Variants in DIP2B observed in about 807,000 individuals in gnomAD.
DIP2B encodes the protein disco-interacting protein 2 homolog B.
DIP2B carries 76 observed loss-of-function variants against 198.0 expected under a neutral mutation model. The ratio of observed to expected loss-of-function variants is 0.38; its 90% CI spans 0.32 to 0.46. DIP2B has a LOEUF of 0.46. Ranked by LOEUF, DIP2B falls within the 20% of genes least tolerant of loss-of-function variation. The pLI is 0.99. For synonymous variants in DIP2B, 701 were observed against 739.1 expected (o/e 0.95, Z 0.84); for missense variants, 1,559 against 1,978.4 (o/e 0.79, Z 4.02).
intron 3 of DIP2B, among the ~76,000 whole-genome samples, chr12:50,653,625 A>G (rs1341364398): frequency 6.6e-6 from 1 of 151,784 alleles, no homozygotes; most frequent in Non-Finnish European, 1.5e-5. Context: ...TACAGGCATG[A>G]GCCTCTGTAC....
intron 36 of DIP2B, among the ~76,000 whole-genome samples, 164 bp downstream of exon 36, chr12:50,739,750 C>T (rs889296444): frequency 3.3e-5 from 5 of 152,186 alleles, no homozygotes; most frequent in East Asian, 1.9e-4. Flanking sequence ...CATGCCTTGC[C>T]CCATGAAGAG....
intron 22 of DIP2B, among the ~76,000 whole-genome samples, chr12:50,710,294 A>G (rs1352793616): frequency 6.6e-6 from 1 of 152,174 alleles, no homozygotes; most frequent in African/African-American, 2.4e-5. Flanking sequence ...GTACTTAGGT[A>G]TCAGTGGAAG....
chr12:50,714,295 G>A (rs1046091627), intron 22 of DIP2B, 100 bp from the exon 23 acceptor site: 1 of 1,343,302 alleles, frequency 7.4e-7, no homozygotes, highest in Admixed American at 1.9e-5. Flanking sequence ...AGAATGGGTA[G>A]AGTAAGAAAA....
chr12:50,680,245 G>T (rs1432426950), intron 8 of DIP2B: 2 of 124,452 alleles, frequency 1.6e-5, no homozygotes, highest in Admixed American at 9.2e-5. Context: ...GGGCGACAGA[G>T]TGAGACTCTG....
In DIP2B at chr12:50,519,513, T is replaced by C. The variant is rs1958096828; in HGVS notation, c.100+14273T>C. On this transcript the variant is annotated intron_variant, in intron 1 of 37. Coordinates refer to ENST00000301180, the MANE Select transcript of DIP2B (RefSeq NM_173602.3). ...TTACTTTTTCTTCCTTGAATTGAGA[T>C]GGAGATGATGAGAAGCTGAAAGGGG... is the stretch of plus-strand genomic sequence containing the variant. Among the ~76,000 whole-genome samples the C allele has an allele frequency of 2.6e-5, 4 of 152,294 alleles. No individual in the cohort carries two copies. The South Asian group carries it at 8.3e-4, about 32-fold the overall frequency.
intron 2 of DIP2B, among the ~76,000 whole-genome samples, chr12:50,640,416 G>A (rs1938234930): frequency 6.6e-6 from 1 of 152,134 alleles, no homozygotes; most frequent in South Asian, 2.1e-4. Flanking sequence ...TAGGATTGGG[G>A]ATCATATGCA....
At chr12:50,582,773 A>G (rs1958736965) in intron 1 of DIP2B, among the ~76,000 whole-genome samples, 2 of 152,174 alleles carry the variant, frequency 1.3e-5, no homozygotes, top group South Asian at 2.1e-4. Flanking sequence ...TATTTCAAGC[A>G]TTAACGGATA....
chr12:50,678,802 G>C lies in DIP2B; in HGVS notation c.1040G>C (p.Gly347Ala). 1 of 1,614,176 alleles carries C rather than the reference G, an allele frequency of 6.2e-7. No individual in the cohort carries two copies. Among genetic ancestry groups the C allele is most frequent in the South Asian group, 1.1e-5 (1 of 91,088 alleles). Residue 347 changes from glycine to alanine, a missense_variant, in exon 8 of 38, where the codon GGT (glycine) becomes GCT (alanine). Coordinates refer to ENST00000301180, the MANE Select transcript of DIP2B (RefSeq NM_173602.3). Reference sequence around the variant, plus strand: ...CTTGAATCTGCCCTGCAGCGCTGGGGTACCACTCAAGCAAAATGCTCCTGT... The same window carrying C: ...CTTGAATCTGCCCTGCAGCGCTGGGCTACCACTCAAGCAAAATGCTCCTGT... ...PALESALQRWGTTQAKCSCLT... is the reference protein window; with the variant it reads ...PALESALQRWATTQAKCSCLT...
At chr12:50,673,918 A>G (rs769235256) in intron 5 of DIP2B, among the ~76,000 whole-genome samples, 2 of 152,164 alleles carry the variant, frequency 1.3e-5, no homozygotes, top group South Asian at 4.1e-4. Context: ...CAAATTACCT[A>G]TGGATTATTG....
chr12:50,551,691 G>A (rs550201336), intron 1 of DIP2B, among the ~76,000 whole-genome samples: 3 of 152,132 alleles, frequency 2.0e-5, no homozygotes, highest in Non-Finnish European at 4.4e-5. Flanking sequence ...TGATCTGCCC[G>A]CCTTGGCCTC....
chr12:50,660,561 T>C (rs1412455209), intron 4 of DIP2B, among the ~76,000 whole-genome samples: 1 of 148,300 alleles, frequency 6.7e-6, no homozygotes, highest in East Asian at 1.9e-4. Context: ...TTTCCAGTCT[T>C]TTTTTTTTTT....
chr12:50,507,463 T>G (rs1385503449), intron 1 of DIP2B, among the ~76,000 whole-genome samples: 1 of 152,254 alleles, frequency 6.6e-6, no homozygotes, highest in Non-Finnish European at 1.5e-5. Context: ...GTAGCATATT[T>G]GGAGCTAAGG....
chr12:50,613,728 TTCCCAGCCCATGTTGAG>T (rs1937646763), intron 1 of DIP2B, among the ~76,000 whole-genome samples: 1 of 152,154 alleles, frequency 6.6e-6, no homozygotes, highest in African/African-American at 2.4e-5. Context: ...AGATACCACA[TTCCCAGCCCATGTTGAG>T]AAGCCCTGGC....
intron 3 of DIP2B, among the ~76,000 whole-genome samples, chr12:50,648,643 G>A (rs955829454): frequency 1.3e-5 from 2 of 148,888 alleles, no homozygotes; most frequent in African/African-American, 2.5e-5. Context: ...GATTACAGGC[G>A]TGAGCCACCA....
chr12:50,633,095 T>G (rs12369552), intron 2 of DIP2B, among the ~76,000 whole-genome samples: 17,976 of 152,186 alleles, frequency 0.12, 1,429 homozygotes, highest in Non-Finnish European at 0.18. Flanking sequence ...ATGATTTTTT[T>G]TGTGTGTGGA....
At chr12:50,596,408 G>T (rs1041830252) in intron 1 of DIP2B, among the ~76,000 whole-genome samples, 1 of 152,198 alleles carries the variant, frequency 6.6e-6, no homozygotes, top group African/African-American at 2.4e-5. Flanking sequence ...AGTCTGGGCT[G>T]TGGAATCTTA....
chr12:50,601,522 T>C (rs1430885130), intron 1 of DIP2B, among the ~76,000 whole-genome samples: 1 of 152,090 alleles, frequency 6.6e-6, no homozygotes, highest in Non-Finnish European at 1.5e-5. Flanking sequence ...GTATTTTTAG[T>C]AGAGATGGGG....
In DIP2B at chr12:50,713,565, C is replaced by G. The variant is rs149440449; in HGVS notation, c.2650-830C>G. Among the ~76,000 whole-genome samples the G allele has an allele frequency of 4.6e-3, 694 of 152,252 alleles. 8 individuals are homozygous for G. The highest frequency in any genetic ancestry group is 0.016 in the African/African-American group (655 of 41,528). The stretch of plus-strand genomic sequence containing the variant: ...TACGCTCAGGGTAGCTTGTGGCCTC[C>G]AATGCTCGGTGTGCTATGGGCCTCA... On this transcript the variant is annotated intron_variant, in intron 22 of 37. Coordinates refer to ENST00000301180, the MANE Select transcript of DIP2B (RefSeq NM_173602.3).
chr12:50,625,922 A>G (rs958016840), intron 1 of DIP2B, 54 bp from the exon 2 acceptor site: 1 of 1,568,094 alleles, frequency 6.4e-7, no homozygotes, highest in Non-Finnish European at 8.8e-7. Context: ...TTTACAGTGG[A>G]AAACCACAGA....
Sources: allele counts gnomAD v4.1 joint callset (sites outside exome capture counted in the v4.1 genomes callset), GRCh38; gene constraint gnomAD v4.1.1; transcripts MANE v1.5; gene names NCBI Gene and HGNC (gene_info 2026-07-23, HGNC 2026-07-21).